The following MAN2A1 variants were observed in gnomAD, a reference collection of about 807,000 sequenced individuals.
MAN2A1 encodes mannosidase alpha class 2A member 1.
A neutral mutation model predicts 142.6 loss-of-function variants in MAN2A1; 76 were observed. The ratio of observed to expected loss-of-function variants is 0.53; its 90% CI spans 0.44 to 0.65. The LOEUF (loss-of-function observed/expected upper bound fraction) is 0.65, where lower values mean the gene tolerates loss of function less well. Among genes scored for constraint, MAN2A1 ranks in the 30% least tolerant of loss-of-function variants. The pLI, the probability that MAN2A1 is intolerant of heterozygous loss-of-function variation, is 0.00. For missense variants in MAN2A1, 1,311 were observed against 1,365.1 expected (o/e 0.96, Z 0.62); for synonymous variants, 559 against 473.2 (o/e 1.18, Z -2.35).
At position 109,866,893 on chromosome 5, in the gene MAN2A1, A is replaced by T. The variant is rs894385240; in HGVS notation, c.3330A>T (p.Thr1110=). The change falls in exon 22 of 22, where the codon ACA becomes ACT. Residue 1110 remains threonine, a synonymous_variant. Coordinates refer to ENST00000261483, the MANE Select transcript of MAN2A1 (RefSeq NM_002372.4). The part of the protein sequence containing the change: ...LLNKFIVESL[T]PSSLSLMHSP... ...ACAAGTTTATTGTCGAAAGTCTCAC[A>T]CCTTCATCACTATCCTTGATGCATT... 3.1e-6 allele frequency: 5 copies of T among 1,611,696 alleles called. No homozygotes were observed. Among genetic ancestry groups the T allele is most frequent in the Admixed American group, 1.7e-5 (1 of 59,806 alleles).
intron 1 of MAN2A1, among the ~76,000 whole-genome samples, chr5:109,709,256 T>C (rs2112556190): frequency 6.6e-6 from 1 of 152,368 alleles, no homozygotes; most frequent in South Asian, 2.1e-4. Context: ...GACTATGTTT[T>C]ACCTATGAGA....
Position 109,865,079 on chromosome 5 carries a change from G to A in MAN2A1, c.3215G>A (p.Arg1072Lys), listed in dbSNP as rs1755845957. ...AATGAGGCAGCCTTGATCCTCCACA[G>A]AAAAGGGTTTGATTGTCGGTTCTCT... ...HSNEAALILH[R>K]KGFDCRFSSK... Residue 1072 changes from arginine (R) to lysine (K), a missense_variant, in exon 21 of 22, where the codon AGA (arginine) becomes AAA (lysine). This residue lies in a region of MAN2A1 where 890 missense variants were observed against 920.5 expected (regional missense o/e 0.97). Coordinates refer to ENST00000261483, the MANE Select transcript of MAN2A1 (RefSeq NM_002372.4). 6.2e-7 allele frequency: 1 copy of A among 1,613,962 alleles called. No homozygotes were observed. The highest frequency in any genetic ancestry group is 1.1e-5 in the South Asian group (1 of 91,084).
At chr5:109,734,200 GT>G (rs1402044370) in intron 4 of MAN2A1, among the ~76,000 whole-genome samples, 14 of 150,976 alleles carry the variant, frequency 9.3e-5, no homozygotes, top group Admixed American at 7.2e-4. Context: ...TGTGGGATCG[GT>G]GGTGATATCC....
intron 13 of MAN2A1, among the ~76,000 whole-genome samples, chr5:109,818,247 T>C (rs1402004866): frequency 6.6e-6 from 1 of 152,134 alleles, no homozygotes; most frequent in Non-Finnish European, 1.5e-5. Flanking sequence ...TTCAAGTGAT[T>C]CTCCTGCCTC....
chr5:109,818,241 A>G (rs1175225577), intron 13 of MAN2A1, among the ~76,000 whole-genome samples: 3 of 152,092 alleles, frequency 2.0e-5, no homozygotes, highest in Non-Finnish European at 4.4e-5. Context: ...CCCGGGTTCA[A>G]GTGATTCTCC....
intron 10 of MAN2A1, 87 bp downstream of exon 10, chr5:109,785,013 T>A: frequency 1.1e-6 from 1 of 923,618 alleles, no homozygotes; most frequent in Non-Finnish European, 1.6e-6. Context: ...GTTGTTAGTG[T>A]ATATCAAACC....
intron 9 of MAN2A1, among the ~76,000 whole-genome samples, chr5:109,782,295 A>G (rs1028505547): frequency 2.6e-5 from 4 of 152,218 alleles, no homozygotes; most frequent in African/African-American, 9.6e-5. Flanking sequence ...AGAATGTTCT[A>G]TAGTGATAGG....
chr5:109,837,388 CA>C, intron 16 of MAN2A1, among the ~76,000 whole-genome samples: 1 of 152,036 alleles, frequency 6.6e-6, no homozygotes, highest in Admixed American at 6.6e-5. Context: ...CCCTTAAAAA[CA>C]AAAACAAAAT....
intron 4 of MAN2A1, among the ~76,000 whole-genome samples, chr5:109,754,245 G>A (rs1752622925): frequency 6.6e-6 from 1 of 151,916 alleles, no homozygotes; most frequent in Non-Finnish European, 1.5e-5. Context: ...GCTTCCTTGG[G>A]CACTATTTCA....
chr5:109,815,006 T>G (rs1754415103), intron 12 of MAN2A1, among the ~76,000 whole-genome samples: 2 of 152,148 alleles, frequency 1.3e-5, no homozygotes, highest in African/African-American at 4.8e-5. Flanking sequence ...TCTCAAGTTC[T>G]TTAAATACTA....
At chr5:109,808,676 A>G (rs908133045) in intron 12 of MAN2A1, among the ~76,000 whole-genome samples, 9 of 147,814 alleles carry the variant, frequency 6.1e-5, no homozygotes, top group Admixed American at 2.7e-4. Context: ...TTTGTTTACT[A>G]TATTTCTGTT....
At chr5:109,702,647 C>A (rs1751021672) in intron 1 of MAN2A1, among the ~76,000 whole-genome samples, 1 of 152,146 alleles carries the variant, frequency 6.6e-6, no homozygotes, top group Non-Finnish European at 1.5e-5. Context: ...TAGGATATTT[C>A]TTGCTACTTT....
At chr5:109,755,917 T>C (rs112823025) in intron 5 of MAN2A1, among the ~76,000 whole-genome samples, 1,987 of 152,156 alleles carry the variant, frequency 0.013, 37 homozygotes, top group African/African-American at 0.046. Flanking sequence ...CTCTGCTTGT[T>C]TTGCTGGGTT....
chr5:109,865,538 CT>C, intron 21 of MAN2A1: 1 of 178,834 alleles, frequency 5.6e-6, no homozygotes, highest in Non-Finnish European at 1.2e-5. Flanking sequence ...TTTATAATAA[CT>C]GAAGCTTATA....
chr5:109,702,840 T>G (rs1751028232), intron 1 of MAN2A1, among the ~76,000 whole-genome samples: 1 of 152,250 alleles, frequency 6.6e-6, no homozygotes, highest in Admixed American at 6.5e-5. Context: ...TGTCTCACCT[T>G]GCCCTTGTAG....
intron 4 of MAN2A1, among the ~76,000 whole-genome samples, chr5:109,749,161 G>A (rs1228908067): frequency 6.6e-6 from 1 of 152,100 alleles, no homozygotes; most frequent in Non-Finnish European, 1.5e-5. Context: ...CTTGCTAAAT[G>A]ATGCATTGTT....
At chr5:109,780,543 T>TGTGC (rs2112665205) in intron 8 of MAN2A1, among the ~76,000 whole-genome samples, 1 of 151,674 alleles carries the variant, frequency 6.6e-6, no homozygotes, top group South Asian at 2.1e-4. Flanking sequence ...TGTGTGTGTG[T>TGTGC]GTGTGTATGT....
At chr5:109,823,107 A>G (rs1272998102) in intron 15 of MAN2A1, among the ~76,000 whole-genome samples, 4 of 152,226 alleles carry the variant, frequency 2.6e-5, no homozygotes, top group Non-Finnish European at 5.9e-5. Context: ...CATGTCACAT[A>G]AGTTATGTGC....
Position 109,839,932 on chromosome 5 carries a change from T to C in MAN2A1, c.2567-2396T>C, listed in dbSNP as rs559020503. Among the ~76,000 whole-genome samples the C allele has an allele frequency of 1.6e-3, 241 of 151,930 alleles. 1 individual carries two copies. Among genetic ancestry groups the C allele is most frequent in the African/African-American group, 5.5e-3 (228 of 41,410 alleles). ...GGTGCCTACACTAACAGCATTTACA[T>C]TCTTTTTTTTTTTTTTTAACAGAAA... On this transcript the variant is annotated intron_variant, in intron 16 of 21. Transcript: ENST00000261483.
Sources: allele counts gnomAD v4.1 joint callset (sites outside exome capture counted in the v4.1 genomes callset), GRCh38; gene constraint gnomAD v4.1.1; regional missense constraint gnomAD v4.1.1; transcripts MANE v1.5; gene names NCBI Gene and HGNC (gene_info 2026-07-23, HGNC 2026-07-21).